The following ZNF273 variants were observed in gnomAD, a reference collection of about 807,000 sequenced individuals.
ZNF273 encodes the protein zinc finger protein 9.
In ZNF273, 11 loss-of-function variants were observed where a neutral mutation model predicts 14.9. The observed-to-expected ratio is 0.74, with a 90% confidence interval of 0.46 to 1.22. The LOEUF (loss-of-function observed/expected upper bound fraction) is 1.22. Among genes scored for constraint, ZNF273 ranks in the 50% most tolerant of loss-of-function variants. The probability of loss-of-function intolerance (pLI) is 0.00; values close to 1 mark genes in which losing one functional copy is unlikely to be tolerated. For missense variants in ZNF273, 577 were observed against 660.6 expected (o/e 0.87, Z 1.39); for synonymous variants, 199 against 223.9 (o/e 0.89, Z 0.99).
chr7:64,900,283 T>C (rs1449311825), upstream of ZNF273, among the ~76,000 whole-genome samples: 1 of 152,084 alleles, frequency 6.6e-6, no homozygotes, highest in Non-Finnish European at 1.5e-5. Context: ...TGTGCCACCA[T>C]GCCGGGCAAT....
intron 2 of ZNF273, among the ~76,000 whole-genome samples, chr7:64,917,914 C>G (rs1311866696): frequency 6.6e-6 from 1 of 152,130 alleles, no homozygotes; most frequent in Non-Finnish European, 1.5e-5. Context: ...GTATCCTTCA[C>G]TCTAGATTAA....
chr7:64,883,652 T>C (rs1468999559), downstream of ZNF273, among the ~76,000 whole-genome samples: 1 of 152,190 alleles, frequency 6.6e-6, no homozygotes, highest in Admixed American at 6.5e-5. Context: ...TGCCGGGGAA[T>C]AGTTGGAGCA....
chr7:64,881,410 C>T (rs1791250671), downstream of ZNF273, among the ~76,000 whole-genome samples: 1 of 152,260 alleles, frequency 6.6e-6, no homozygotes, highest in South Asian at 2.1e-4. Flanking sequence ...TCCTTCTAAA[C>T]ACTGTCACGG....
downstream of ZNF273, among the ~76,000 whole-genome samples, chr7:64,884,673 A>G (rs559076919): frequency 6.6e-6 from 1 of 152,194 alleles, no homozygotes; most frequent in South Asian, 2.1e-4. Flanking sequence ...GTATGATTCC[A>G]TCACCCGGAG....
At chr7:64,891,534 T>C (rs1792037554), downstream of ZNF273, among the ~76,000 whole-genome samples, 1 of 152,212 alleles carries the variant, frequency 6.6e-6, no homozygotes, top group Non-Finnish European at 1.5e-5. Context: ...AGGATCAGAT[T>C]TGCCATGTCA....
rs1793773323 is a variant in ZNF273, at chr7:64,914,180, G to GTTTTTTTTTTTTTTTTT, written c.103-3400_103-3399insTTTTTTTTTTTTTTTTT. Among the ~76,000 whole-genome samples, 3 of 63,070 alleles carry GTTTTTTTTTTTTTTTTT rather than the reference G, an allele frequency of 4.8e-5. 1 individual carries two copies. 41.4% of individuals were successfully genotyped at this position (63,070 alleles called of 152,430 possible). ...GCACCACTACGTCCTGGTAATTTTTGTATTTTTTTTTTTTTTTTTTTTTTT... is the reference window on the plus strand; with the variant it reads ...GCACCACTACGTCCTGGTAATTTTTGTTTTTTTTTTTTTTTTTTATTTTTTTTTTTTTTTTTTTTTTT... On this transcript the variant is annotated intron_variant, in intron 1 of 3. Transcript: ENST00000476120.
At chr7:64,893,691 C>CCTCCCCTCCA (rs1792183911), downstream of ZNF273, 1 of 124,406 alleles carries the variant, frequency 8.0e-6, no homozygotes, top group Non-Finnish European at 1.7e-5. Context: ...CTCCCCTCCC[C>CCTCCCCTCCA]CTCCCCTCCC....
At chr7:64,881,473 C>A (rs1307184222), downstream of ZNF273, among the ~76,000 whole-genome samples, 3 of 152,256 alleles carry the variant, frequency 2.0e-5, no homozygotes, top group Non-Finnish European at 4.4e-5. Context: ...CCCGTTACAT[C>A]CGCCAACAAG....
rs894527867 is a variant in ZNF273, at chr7:64,929,767, T to G, written c.*729T>G. On this transcript the variant is annotated 3_prime_UTR_variant, in exon 4 of 4. Transcript: ENST00000476120. ...ATTTACATTCAGAGTACACTTTTCT[T>G]TGGAAAAAATTACAGGTTTTTTGAA... is the stretch of plus-strand genomic sequence containing the variant. The G allele has an allele frequency of 6.6e-6, 1 of 152,162 alleles. No homozygotes were observed. The highest frequency in any genetic ancestry group is 1.5e-5 in the Non-Finnish European group (1 of 68,072). 9.4% of individuals were successfully genotyped at this position (152,162 alleles called of 1,614,324 possible). A position where few individuals can be genotyped will look rare whatever the true frequency, so the allele number is the denominator to read the frequency against.
downstream of ZNF273, among the ~76,000 whole-genome samples, chr7:64,883,223 T>C (rs6460204): frequency 0.88 from 120,350 of 136,924 alleles, 52,788 homozygotes; most frequent in South Asian, 0.94. Context: ...CACCCCCCCC[T>C]CACCAAGCAG....
At chr7:64,899,189 A>ATCTTGTCTTTGCTTCTTGTTAGTAC (rs1792538619), upstream of ZNF273, among the ~76,000 whole-genome samples, 1 of 152,224 alleles carries the variant, frequency 6.6e-6, no homozygotes, top group African/African-American at 2.4e-5. Flanking sequence ...CAAAGCAAAA[A>ATCTTGTCTTTGCTTCTTGTTAGTAC]TCTTGTCTTT....
downstream of ZNF273, among the ~76,000 whole-genome samples, chr7:64,884,107 T>C (rs1038414318): frequency 1.3e-5 from 2 of 152,198 alleles, no homozygotes; most frequent in Non-Finnish European, 2.9e-5. Flanking sequence ...CTTTTCTCAT[T>C]GTGGATTTCG....
At chr7:64,892,461 G>A (rs1483556741), downstream of ZNF273, among the ~76,000 whole-genome samples, 1 of 152,208 alleles carries the variant, frequency 6.6e-6, no homozygotes, top group Admixed American at 6.5e-5. Flanking sequence ...GGCATCCTCT[G>A]TCTTCCCCAG....
At chr7:64,890,982 C>G (rs1267691762), downstream of ZNF273, among the ~76,000 whole-genome samples, 4 of 152,226 alleles carry the variant, frequency 2.6e-5, no homozygotes, top group Non-Finnish European at 4.4e-5. Context: ...AAGCTTTCAG[C>G]CCCACTCATT....
At chr7:64,883,642 T>G (rs1791406024), downstream of ZNF273, among the ~76,000 whole-genome samples, 1 of 152,226 alleles carries the variant, frequency 6.6e-6, no homozygotes, top group Admixed American at 6.5e-5. Context: ...GACTCCAACG[T>G]GCCGGGGAAT....
rs745911988 is a variant in ZNF273 at position 64,928,715 on chromosome 7, T to TGTG, written c.1389_1391dup (p.Gly464dup). 4 of 1,606,870 alleles carry TGTG rather than the reference T, an allele frequency of 2.5e-6. No individual in the cohort carries two copies. The Admixed American group carries it at 6.7e-5, about 27-fold the overall frequency. On this transcript the variant is annotated inframe_insertion, in exon 4 of 4. Coordinates refer to ENST00000476120, the MANE Select transcript of ZNF273 (RefSeq NM_021148.3). ...AGCAAAACCTTACAAATGTGAAGAATGTGGCAGTGCCTTTAGGGCATTCTC... is the reference window on the plus strand; with the variant it reads ...AGCAAAACCTTACAAATGTGAAGAATGTGGTGGCAGTGCCTTTAGGGCATTCTC...
downstream of ZNF273, chr7:64,882,487 G>A (rs533278724): frequency 6.6e-6 from 1 of 152,290 alleles, no homozygotes; most frequent in African/African-American, 2.4e-5. Flanking sequence ...GCAGCCTCAC[G>A]AATGCGCATG....
intron 1 of ZNF273, among the ~76,000 whole-genome samples, chr7:64,910,010 C>T (rs1230244841): frequency 6.6e-6 from 1 of 151,512 alleles, no homozygotes; most frequent in Non-Finnish European, 1.5e-5. Context: ...TCTGTTCATG[C>T]TTTTTTCCTA....
chr7:64,922,415 G>C (rs1170699235), intron 3 of ZNF273, among the ~76,000 whole-genome samples: 1 of 151,378 alleles, frequency 6.6e-6, no homozygotes, highest in Non-Finnish European at 1.5e-5. Context: ...TGCAACCTCT[G>C]CCTCCCAGGT....
Sources: gnomAD v4.1 joint callset for allele counts (sites outside exome capture counted in the v4.1 genomes callset) on GRCh38, gnomAD v4.1.1 for gene constraint, MANE v1.5 for transcripts, NCBI Gene and HGNC (gene_info 2026-07-23, HGNC 2026-07-21) for gene names.